LAMA2: variants seen among roughly 807,000 people sequenced by gnomAD.
The protein encoded by LAMA2 is laminin subunit alpha-2.
In LAMA2, 269 loss-of-function variants were observed where a neutral mutation model predicts 364.8. That is an observed-to-expected ratio of 0.74 (90% CI 0.67 to 0.82). The LOEUF is 0.82. Ranked by LOEUF, LAMA2 falls within the 40% of genes least tolerant of loss-of-function variation. The probability of loss-of-function intolerance (pLI) is 0.00; values close to 1 mark genes in which losing one functional copy is unlikely to be tolerated. For missense variants in LAMA2, 3,807 were observed against 3,873.2 expected (o/e 0.98, Z 0.45); for synonymous variants, 1,379 against 1,370.6 (o/e 1.01, Z -0.14).
rs199737313 is a variant in LAMA2, at chr6:129,423,205, T to TA, written c.5866-4540dup. On this transcript the variant is annotated intron_variant, in intron 40 of 64. Transcript: ENST00000421865. Reference sequence around the variant, plus strand: ...CTGATCACTATAAAAACCTATTTTTTAAAAAAACCTAACAGCTAAAATCAT... The same window carrying TA: ...CTGATCACTATAAAAACCTATTTTTTAAAAAAAACCTAACAGCTAAAATCAT... 5.1e-3 allele frequency among the ~76,000 whole-genome samples: 774 copies of TA among 152,052 alleles called. 16 individuals are homozygous for TA. Among genetic ancestry groups the TA allele is most frequent in the African/African-American group, 0.018 (732 of 41,464 alleles).
chr6:129,037,287 T>C (rs1786708713), intron 1 of LAMA2, among the ~76,000 whole-genome samples: 1 of 152,134 alleles, frequency 6.6e-6, no homozygotes. Context: ...ATAAATATTG[T>C]CTACCAAAAG....
At chr6:128,884,443 T>C (rs978289657) in intron 1 of LAMA2, among the ~76,000 whole-genome samples, 2 of 152,250 alleles carry the variant, frequency 1.3e-5, no homozygotes, top group African/African-American at 4.8e-5. Flanking sequence ...TTTTGAAGTA[T>C]ACTTATCCTT....
chr6:129,319,644 G>A (rs1036240491), intron 27 of LAMA2, among the ~76,000 whole-genome samples: 4 of 152,032 alleles, frequency 2.6e-5, no homozygotes, highest in Admixed American at 1.3e-4. Flanking sequence ...CAACATGGTG[G>A]TTAGGAGCAT....
chr6:129,162,896 G>T (rs189293640), intron 8 of LAMA2, among the ~76,000 whole-genome samples: 243 of 151,978 alleles, frequency 1.6e-3, no homozygotes, highest in South Asian at 3.5e-3. Flanking sequence ...ACTAGGAGGG[G>T]GGGGAAGAAG....
intron 1 of LAMA2, among the ~76,000 whole-genome samples, chr6:128,979,988 G>A (rs375412074): frequency 6.6e-6 from 1 of 152,190 alleles, no homozygotes. Context: ...GCTAGGTTAT[G>A]CTGCAATAAT....
chr6:129,013,262 C>T (rs925226568), intron 1 of LAMA2, among the ~76,000 whole-genome samples: 13 of 151,996 alleles, frequency 8.6e-5, no homozygotes, highest in African/African-American at 2.9e-4. Context: ...GGTGAAACCC[C>T]GTCTCTACTA....
At chr6:128,896,051 A>G (rs1220230323) in intron 1 of LAMA2, among the ~76,000 whole-genome samples, 3 of 152,184 alleles carry the variant, frequency 2.0e-5, no homozygotes, top group Non-Finnish European at 2.9e-5. Context: ...CAAGGGCCTC[A>G]TACTGCTCTG....
chr6:129,401,553 C>T (rs1417043369), intron 38 of LAMA2, among the ~76,000 whole-genome samples: 1 of 152,228 alleles, frequency 6.6e-6, no homozygotes, highest in Non-Finnish European at 1.5e-5. Flanking sequence ...TAAGTGTACT[C>T]ACACATTCAC....
intron 1 of LAMA2, among the ~76,000 whole-genome samples, chr6:128,972,981 C>A (rs1284782047): frequency 6.6e-6 from 1 of 151,902 alleles, no homozygotes; most frequent in African/African-American, 2.4e-5. Flanking sequence ...TATACAATTT[C>A]AACTGAATGG....
chr6:129,250,262 A>C, intron 13 of LAMA2, 49 bp downstream of exon 13: 1 of 1,140,818 alleles, frequency 8.8e-7, no homozygotes, highest in Non-Finnish European at 1.3e-6. Context: ...GATGTTACTT[A>C]AGGTTACCAG....
chr6:129,079,280 GT>G (rs1163584285), intron 3 of LAMA2, among the ~76,000 whole-genome samples: 5 of 151,988 alleles, frequency 3.3e-5, no homozygotes, highest in Non-Finnish European at 5.9e-5. Context: ...ATTAGTTATT[GT>G]TGTTAAATCT....
intron 62 of LAMA2, among the ~76,000 whole-genome samples, chr6:129,507,992 C>CTTCTT (rs56255896): frequency 0.67 from 101,210 of 151,282 alleles, 34,197 homozygotes; most frequent in Non-Finnish European, 0.72. Flanking sequence ...TGATTTTTTT[C>CTTCTT]TTCAATTCCC....
intron 12 of LAMA2, among the ~76,000 whole-genome samples, chr6:129,229,465 G>C (rs1010876268): frequency 6.6e-6 from 1 of 152,104 alleles, no homozygotes; most frequent in Non-Finnish European, 1.5e-5. Flanking sequence ...GGAAAATATC[G>C]TAGGTCTTTG....
In LAMA2 at chr6:129,285,111, A is replaced by G. The variant is rs182221910; in HGVS notation, c.2538-2736A>G. 3.3e-5 allele frequency among the ~76,000 whole-genome samples: 5 copies of G among 152,298 alleles called. No individual in the cohort carries two copies. The East Asian group carries it at 9.6e-4, about 29-fold the overall frequency. ...AAACTAATTTTAATTAGGTGAATCCAACTTGATCAGACTCTAACACACTAT... is the reference window on the plus strand; with the variant it reads ...AAACTAATTTTAATTAGGTGAATCCGACTTGATCAGACTCTAACACACTAT... On this transcript the variant is annotated intron_variant, in intron 18 of 64. Transcript: ENST00000421865.
At chr6:129,501,508 A>G (rs1239483617) in intron 58 of LAMA2, among the ~76,000 whole-genome samples, 1 of 152,228 alleles carries the variant, frequency 6.6e-6, no homozygotes, top group Non-Finnish European at 1.5e-5. Context: ...AAAAGAGAAC[A>G]AGGCTTTTCC....
At chr6:129,476,655 G>T (rs1025281414) in intron 53 of LAMA2, among the ~76,000 whole-genome samples, 2 of 151,974 alleles carry the variant, frequency 1.3e-5, no homozygotes, top group Non-Finnish European at 2.9e-5. Flanking sequence ...CAAGACCTCT[G>T]AAAAAAATGG....
chr6:129,082,898 A>G (rs1774152142), intron 3 of LAMA2, among the ~76,000 whole-genome samples: 2 of 151,902 alleles, frequency 1.3e-5, no homozygotes, highest in South Asian at 2.1e-4. Flanking sequence ...CTACTTTCCT[A>G]TTGATTGTTT....
intron 17 of LAMA2, among the ~76,000 whole-genome samples, chr6:129,271,874 C>T (rs1288062369): frequency 1.3e-5 from 2 of 152,016 alleles, no homozygotes; most frequent in Admixed American, 1.3e-4. Flanking sequence ...AACTCTTACC[C>T]AGAATGCGCC....
At chr6:129,398,472 C>CTTTTTTTTTTTT (rs71028159) in intron 37 of LAMA2, among the ~76,000 whole-genome samples, 30 of 110,514 alleles carry the variant, frequency 2.7e-4, no homozygotes, top group African/African-American at 7.2e-4. Context: ...CTTTTCTTTT[C>CTTTTTTTTTTTT]TTTTTTTTTT....
Sources: gnomAD v4.1 joint callset for allele counts (sites outside exome capture counted in the v4.1 genomes callset) on GRCh38, gnomAD v4.1.1 for gene constraint, MANE v1.5 for transcripts, NCBI Gene and HGNC (gene_info 2026-07-23, HGNC 2026-07-21) for gene names.